LARGE1: variants seen among roughly 807,000 people sequenced by gnomAD.
LARGE1 encodes the protein xylosyl- and glucuronyltransferase LARGE1.
A neutral mutation model predicts 87.6 loss-of-function variants in LARGE1; 43 were observed. The ratio of observed to expected loss-of-function variants is 0.49; its 90% CI spans 0.38 to 0.63. LARGE1 has a LOEUF of 0.63. LARGE1 is among the 30% of genes least tolerant of loss of function. The probability of loss-of-function intolerance (pLI) is 0.00; values close to 1 mark genes in which losing one functional copy is unlikely to be tolerated. For missense variants in LARGE1, 802 were observed against 1,000.2 expected, an observed-to-expected ratio of 0.80 and a Z score of 2.67; for synonymous variants, 434 against 394.6, an observed-to-expected ratio of 1.10 and a Z score of -1.18.
At chr22:33,321,439 G>A (rs953442312) in intron 10 of LARGE1, among the ~76,000 whole-genome samples, 4 of 152,098 alleles carry the variant, frequency 2.6e-5, no homozygotes, top group Non-Finnish European at 5.9e-5. Flanking sequence ...GTTACCTCCC[G>A]GCAGAAAACG....
At chr22:33,623,333 G>C (rs939870573) in intron 4 of LARGE1, among the ~76,000 whole-genome samples, 5 of 152,058 alleles carry the variant, frequency 3.3e-5, no homozygotes, top group African/African-American at 1.2e-4. Flanking sequence ...ATGTGGAAAG[G>C]GCATCTCACC....
rs1034732936 is a variant in LARGE1, at chr22:33,538,462, G to A, written c.787+26386C>T. On this transcript the variant is annotated intron_variant, in intron 6 of 14. Transcript: ENST00000397394. Reference sequence around the variant, plus strand: ...TCCATACATATTTCTGAGCTGAATTGAAGCTAGTTAAAAAATGAATAGCAT... The same window carrying A: ...TCCATACATATTTCTGAGCTGAATTAAAGCTAGTTAAAAAATGAATAGCAT... Among the ~76,000 whole-genome samples the A allele has an allele frequency of 4.6e-5, 7 of 152,172 alleles. No individual in the cohort carries two copies. In the South Asian group the frequency reaches 1.4e-3, roughly 31 times the overall value.
At chr22:33,107,207 T>C in the LARGE1 span, among the ~76,000 whole-genome samples, 1 of 152,264 alleles carries the variant, frequency 6.6e-6, no homozygotes, top group Non-Finnish European at 1.5e-5. Context: ...CATTTATTAA[T>C]GACATTTGCA....
chr22:33,106,759 G>A, the LARGE1 span, among the ~76,000 whole-genome samples: 1 of 152,140 alleles, frequency 6.6e-6, no homozygotes, highest in African/African-American at 2.4e-5. Flanking sequence ...GCCTCCCAAA[G>A]TGCTGGGATT....
rs371794293 is a variant in LARGE1, at chr22:33,267,104, G to T, written c.1730+37125C>A. ...AAAACACAAAAATTAGCCGGGTGTG[G>T]TGGCGTTCGCCTGTAATCCCAGCTA... On this transcript the variant is annotated intron_variant, in intron 11 of 11. Transcript: ENST00000608642. 5.3e-5 allele frequency among the ~76,000 whole-genome samples: 8 copies of T among 151,636 alleles called. 1 individual carries two copies. The highest frequency in any genetic ancestry group is 2.0e-4 in the African/African-American group (8 of 40,914).
chr22:33,555,930 CAA>C (rs34477059), intron 6 of LARGE1, among the ~76,000 whole-genome samples: 8 of 124,326 alleles, frequency 6.4e-5, no homozygotes, highest in African/African-American at 3.0e-5. Context: ...GACTCCATCT[CAA>C]AAAAAAAAAA....
At chr22:33,590,015 G>A (rs1281989003) in intron 5 of LARGE1, among the ~76,000 whole-genome samples, 1 of 152,020 alleles carries the variant, frequency 6.6e-6, no homozygotes, top group African/African-American at 2.4e-5. Flanking sequence ...CCATATGATA[G>A]GCAGTTCAAT....
At chr22:33,709,842 G>T (rs1225063929) in intron 2 of LARGE1, among the ~76,000 whole-genome samples, 1 of 151,662 alleles carries the variant, frequency 6.6e-6, no homozygotes, top group Non-Finnish European at 1.5e-5. Context: ...AGCCAGGCTG[G>T]TCTCAAACTC....
At chr22:33,396,042 T>A (rs2065728225) in intron 7 of LARGE1, among the ~76,000 whole-genome samples, 1 of 152,194 alleles carries the variant, frequency 6.6e-6, no homozygotes, top group Non-Finnish European at 1.5e-5. Context: ...TCCTCAGCTC[T>A]CCACCTCTAA....
intron 10 of LARGE1, among the ~76,000 whole-genome samples, chr22:33,321,364 A>T (rs1936694290): frequency 6.6e-6 from 1 of 152,186 alleles, no homozygotes; most frequent in Admixed American, 6.5e-5. Context: ...TCTGATTCAT[A>T]CATATTAGAG....
intron 10 of LARGE1, among the ~76,000 whole-genome samples, chr22:33,317,168 C>T (rs936610028): frequency 2.6e-5 from 4 of 152,076 alleles, no homozygotes; most frequent in Admixed American, 6.5e-5. Flanking sequence ...GAGCTGAGAT[C>T]GCACCACTGC....
intron 10 of LARGE1, among the ~76,000 whole-genome samples, chr22:33,335,711 G>A (rs960417271): frequency 2.6e-5 from 4 of 152,048 alleles, no homozygotes; most frequent in East Asian, 1.9e-4. Context: ...TCCACACCCC[G>A]AACCTGTCCT....
intron 6 of LARGE1, among the ~76,000 whole-genome samples, chr22:33,443,087 C>T (rs1463129373): frequency 2.0e-5 from 3 of 152,158 alleles, no homozygotes; most frequent in Admixed American, 2.0e-4. Context: ...CCACTGCACC[C>T]AGCCATTGAT....
At chr22:33,158,983 G>A (rs1421708386), downstream of LARGE1, among the ~76,000 whole-genome samples, 1 of 152,148 alleles carries the variant, frequency 6.6e-6, no homozygotes, top group Non-Finnish European at 1.5e-5. Flanking sequence ...ACTATAGAAT[G>A]TATATTTTTT....
At chr22:33,156,723 G>A in the LARGE1 span, among the ~76,000 whole-genome samples, 1 of 152,112 alleles carries the variant, frequency 6.6e-6, no homozygotes, top group Non-Finnish European at 1.5e-5. Context: ...AGGCATGATT[G>A]GTTTTGAAAT....
At position 33,565,030 on chromosome 22, in the gene LARGE1, C is replaced by G. The variant is rs370239362; in HGVS notation, c.616-11G>C. On this transcript the variant is annotated splice_polypyrimidine_tract_variant and intron_variant, in intron 5 of 14. Coordinates refer to ENST00000397394, the MANE Select transcript of LARGE1 (RefSeq NM_133642.5). ...CCAGGAAACTTCAGACTAGACAGAA[C>G]AAGGCAGAGAGAGAGTTGGAGAAAG... is the stretch of plus-strand genomic sequence containing the variant. 3.7e-6 allele frequency: 6 copies of G among 1,613,282 alleles called. No individual in the cohort carries two copies. The highest frequency in any genetic ancestry group is 5.1e-6 in the Non-Finnish European group (6 of 1,179,352).
intron 11 of LARGE1, among the ~76,000 whole-genome samples, chr22:33,194,418 T>G (rs73881988): frequency 0.03 from 4,593 of 152,156 alleles, 96 homozygotes; most frequent in Admixed American, 0.057. Context: ...ATTTGCCAAG[T>G]TTTTTTTAGC....
intron 2 of LARGE1, among the ~76,000 whole-genome samples, chr22:33,712,643 T>C (rs1302391049): frequency 3.5e-5 from 2 of 57,780 alleles, no homozygotes; most frequent in Non-Finnish European, 6.8e-5. Context: ...GTACAGTGTG[T>C]GTGTGTGTGT....
chr22:33,246,328 A>G (rs1472464292), intron 11 of LARGE1, among the ~76,000 whole-genome samples: 1 of 152,158 alleles, frequency 6.6e-6, no homozygotes, highest in Non-Finnish European at 1.5e-5. Context: ...ACACTTTGGG[A>G]TATTATGTAC....
Sources: gnomAD v4.1 joint callset for allele counts (sites outside exome capture counted in the v4.1 genomes callset) on GRCh38, gnomAD v4.1.1 for gene constraint, MANE v1.5 for transcripts, NCBI Gene and HGNC (gene_info 2026-07-23, HGNC 2026-07-21) for gene names.